The following RSPO2 variants were observed in gnomAD, a reference collection of about 807,000 sequenced individuals.
The protein encoded by RSPO2 is R-spondin 2.
RSPO2 carries 14 observed loss-of-function variants against 30.9 expected under a neutral mutation model. The ratio of observed to expected loss-of-function variants is 0.45; its 90% CI spans 0.30 to 0.71. The LOEUF (loss-of-function observed/expected upper bound fraction) is 0.71, where lower values mean the gene tolerates loss of function less well. RSPO2 is among the 30% of genes least tolerant of loss of function. The probability of loss-of-function intolerance (pLI) is 0.08; values close to 1 mark genes in which losing one functional copy is unlikely to be tolerated. For synonymous variants in RSPO2, 107 were observed against 96.4 expected (o/e 1.11, Z -0.64); for missense variants, 264 against 301.9 (o/e 0.87, Z 0.93).
At chr8:107,996,949 C>T (rs1312944962) in intron 2 of RSPO2, 1 of 454,076 alleles carries the variant, frequency 2.2e-6, no homozygotes, top group Admixed American at 2.4e-5. Flanking sequence ...TAACCCTACA[C>T]ACGAGGAATT....
intron 3 of RSPO2, among the ~76,000 whole-genome samples, chr8:107,981,235 C>G (rs750788223): frequency 6.6e-6 from 1 of 151,964 alleles, no homozygotes; most frequent in Non-Finnish European, 1.5e-5. Flanking sequence ...TCAAGAATGA[C>G]AGGCTGGGCT....
chr8:107,952,041 C>T (rs1484170752), intron 5 of RSPO2, among the ~76,000 whole-genome samples: 1 of 152,078 alleles, frequency 6.6e-6, no homozygotes, highest in Non-Finnish European at 1.5e-5. Flanking sequence ...CCTCTGCCTA[C>T]TTTCAGGAAA....
intron 2 of RSPO2, among the ~76,000 whole-genome samples, chr8:108,056,623 C>CAAAAAAAAAAAAAAAAAA (rs56256415): frequency 8.4e-5 from 6 of 71,828 alleles, no homozygotes; most frequent in South Asian, 4.5e-4. Context: ...AGACCCGTCT[C>CAAAAAAAAAAAAAAAAAA]AAAAAAAAAA....
intron 5 of RSPO2, among the ~76,000 whole-genome samples, chr8:107,936,680 G>T (rs368230460): frequency 6.6e-5 from 10 of 151,986 alleles, no homozygotes; most frequent in African/African-American, 2.4e-4. Context: ...TCTCATTTTG[G>T]ATTTTTTATT....
intron 5 of RSPO2, among the ~76,000 whole-genome samples, chr8:107,922,338 T>G (rs551599218): frequency 6.6e-6 from 1 of 152,192 alleles, no homozygotes; most frequent in African/African-American, 2.4e-5. Context: ...AGGAATACAA[T>G]CTCATTTACA....
intron 2 of RSPO2, among the ~76,000 whole-genome samples, chr8:108,064,137 A>G (rs530868525): frequency 6.6e-6 from 1 of 152,310 alleles, no homozygotes; most frequent in African/African-American, 2.4e-5. Flanking sequence ...TTCATGTCTA[A>G]AACACCAAAA....
intron 2 of RSPO2, among the ~76,000 whole-genome samples, chr8:108,009,635 C>T (rs148963899): frequency 0.014 from 2,132 of 152,278 alleles, 46 homozygotes; most frequent in African/African-American, 0.048. Context: ...GTGGAATTCA[C>T]TGGCTCAAAG....
At chr8:108,048,112 C>A (rs895467106) in intron 2 of RSPO2, among the ~76,000 whole-genome samples, 5 of 151,966 alleles carry the variant, frequency 3.3e-5, no homozygotes, top group South Asian at 2.1e-4. Flanking sequence ...AGATACTACT[C>A]GCCTTCATTT....
intron 2 of RSPO2, among the ~76,000 whole-genome samples, chr8:108,049,871 C>T (rs1309446393): frequency 1.3e-5 from 2 of 152,148 alleles, no homozygotes; most frequent in African/African-American, 2.4e-5. Flanking sequence ...CATACAACTG[C>T]ATGTGTCTTT....
At chr8:107,933,284 T>C (rs1373781140) in intron 5 of RSPO2, among the ~76,000 whole-genome samples, 2 of 152,194 alleles carry the variant, frequency 1.3e-5, no homozygotes. Flanking sequence ...CATGCACATG[T>C]TGAGCCTGCT....
At chr8:108,075,109 T>C (rs1216299047) in intron 2 of RSPO2, among the ~76,000 whole-genome samples, 1 of 152,232 alleles carries the variant, frequency 6.6e-6, no homozygotes, top group East Asian at 1.9e-4. Flanking sequence ...TCCTAAATTA[T>C]TATTCATTCA....
At chr8:108,075,800 T>G (rs1346814895) in intron 2 of RSPO2, among the ~76,000 whole-genome samples, 5 of 152,052 alleles carry the variant, frequency 3.3e-5, no homozygotes, top group Non-Finnish European at 5.9e-5. Flanking sequence ...AAACAGCATT[T>G]CTCATTAAGT....
At chr8:107,965,249 T>C (rs1378075261) in intron 3 of RSPO2, among the ~76,000 whole-genome samples, 4 of 152,098 alleles carry the variant, frequency 2.6e-5, no homozygotes, top group African/African-American at 9.7e-5. Context: ...CCAATATTGG[T>C]TTAAGTAAAA....
At position 107,926,760 on chromosome 8, in the gene RSPO2, T is replaced by C. The variant is rs989190972; in HGVS notation, c.617-25570A>G. ...GTTCTGTTCCATTGGTCAATATCTCTATTTTGGTACCAGTACCATGCTGTT... is the reference window on the plus strand; with the variant it reads ...GTTCTGTTCCATTGGTCAATATCTCCATTTTGGTACCAGTACCATGCTGTT... On this transcript the variant is annotated intron_variant, in intron 5 of 5. Transcript: ENST00000276659. Among the ~76,000 whole-genome samples, 8 of 152,294 alleles carry C rather than the reference T, an allele frequency of 5.3e-5. 1 individual carries two copies. The highest frequency in any genetic ancestry group is 3.9e-4 in the Admixed American group (6 of 15,276).
chr8:107,959,997 C>A lies in RSPO2; in HGVS notation c.427+677G>T, dbSNP rs537964743. ...ATGAAATTCTGGGGAGGGGGCATGA[C>A]AATACATCCATGATTAGATTAAGAG... On this transcript the variant is annotated intron_variant, in intron 4 of 5. Coordinates refer to ENST00000276659, the MANE Select transcript of RSPO2 (RefSeq NM_178565.5). 1.1e-4 allele frequency among the ~76,000 whole-genome samples: 16 copies of A among 152,132 alleles called. 1 individual carries two copies. In the South Asian group the frequency reaches 3.1e-3, roughly 30 times the overall value.
At chr8:107,952,771 G>T (rs928696785) in intron 5 of RSPO2, among the ~76,000 whole-genome samples, 1 of 152,114 alleles carries the variant, frequency 6.6e-6, no homozygotes, top group African/African-American at 2.4e-5. Flanking sequence ...ACATGTTGCT[G>T]TCAGTTTATA....
At chr8:107,919,180 AAGTT>A (rs2130302097) in intron 5 of RSPO2, among the ~76,000 whole-genome samples, 1 of 152,194 alleles carries the variant, frequency 6.6e-6, no homozygotes. Context: ...CAGCACGAAG[AAGTT>A]AGAGCAGTTG....
At chr8:107,901,786 C>T (rs1811479170) in intron 5 of RSPO2, among the ~76,000 whole-genome samples, 2 of 152,166 alleles carry the variant, frequency 1.3e-5, no homozygotes, top group African/African-American at 4.8e-5. Flanking sequence ...ATCCCCTGGA[C>T]AAGTTGTTGT....
Position 108,054,449 on chromosome 8 carries a change from G to A in RSPO2, c.94+28096C>T, listed in dbSNP as rs577627928. Among the ~76,000 whole-genome samples the A allele has an allele frequency of 9.9e-5, 15 of 152,172 alleles. No individual in the cohort carries two copies. The East Asian group carries it at 2.9e-3, about 30-fold the overall frequency. ...GACTCTTCTACAGGAGGTTTACTGGGGCCAGGCCTGGAAGTAGTAAATATA... is the reference window on the plus strand; with the variant it reads ...GACTCTTCTACAGGAGGTTTACTGGAGCCAGGCCTGGAAGTAGTAAATATA... On this transcript the variant is annotated intron_variant, in intron 2 of 5. Transcript: ENST00000276659.
Sources: allele counts gnomAD v4.1 joint callset (sites outside exome capture counted in the v4.1 genomes callset), GRCh38; gene constraint gnomAD v4.1.1; transcripts MANE v1.5; gene names NCBI Gene and HGNC (gene_info 2026-07-23, HGNC 2026-07-21).